MELK: variants seen among roughly 807,000 people sequenced by gnomAD.
MELK encodes maternal embryonic leucine zipper kinase, also known as pEg3 kinase.
A neutral mutation model predicts 85.0 loss-of-function variants in MELK; 81 were observed. The ratio of observed to expected loss-of-function variants is 0.95; its 90% confidence interval spans 0.80 to 1.15. The LOEUF is 1.15. Ranked by LOEUF, MELK falls within the 50% of genes most tolerant of loss-of-function variation. MELK has a pLI of 0.00. For missense variants in MELK, 754 were observed against 777.5 expected, an observed-to-expected ratio of 0.97 and a Z score of 0.36; for synonymous variants, 252 against 265.0, an observed-to-expected ratio of 0.95 and a Z score of 0.48.
At chr9:36,604,957 TA>T (rs1395585681) in intron 7 of MELK, among the ~76,000 whole-genome samples, 1 of 151,504 alleles carries the variant, frequency 6.6e-6, no homozygotes, top group Non-Finnish European at 1.5e-5. Context: ...TTTATTTATT[TA>T]TTTTTTTGAG....
intron 13 of MELK, among the ~76,000 whole-genome samples, chr9:36,664,709 T>C (rs1832164974): frequency 6.6e-6 from 1 of 152,220 alleles, no homozygotes; most frequent in South Asian, 2.1e-4. Flanking sequence ...TTCCTGGCTT[T>C]ACATGGGAGC....
At chr9:36,583,942 CAGTCTGT>C (rs1414084468) in intron 3 of MELK, among the ~76,000 whole-genome samples, 1 of 152,212 alleles carries the variant, frequency 6.6e-6, no homozygotes, top group Non-Finnish European at 1.5e-5. Context: ...CATCCATCTG[CAGTCTGT>C]AGTCTGTAGG....
At chr9:36,628,863 CTTTTTTTT>C (rs869033969) in intron 8 of MELK, among the ~76,000 whole-genome samples, 1 of 127,918 alleles carries the variant, frequency 7.8e-6, no homozygotes, top group Non-Finnish European at 1.6e-5. Flanking sequence ...TTTGTATTTT[CTTTTTTTT>C]TTTTTTTTTT....
chr9:36,591,105 CA>C (rs924643580), intron 4 of MELK, among the ~76,000 whole-genome samples: 1 of 151,158 alleles, frequency 6.6e-6, no homozygotes, highest in African/African-American at 2.4e-5. Context: ...AAAATAAAAA[CA>C]AAAAAATTAT....
intron 14 of MELK, among the ~76,000 whole-genome samples, chr9:36,666,712 A>G (rs948925642): frequency 3.9e-5 from 6 of 152,152 alleles, no homozygotes; most frequent in Non-Finnish European, 7.4e-5. Context: ...CTTCTTGTCT[A>G]TAAAGATATT....
In MELK at chr9:36,621,431, T is replaced by C. The variant is rs148951747; in HGVS notation, c.667-8868T>C. 3.4e-3 allele frequency among the ~76,000 whole-genome samples: 504 copies of C among 146,724 alleles called. 2 individuals carry two copies. The highest frequency in any genetic ancestry group is 0.013 in the African/African-American group (477 of 37,724). On this transcript the variant is annotated intron_variant, in intron 8 of 17. Transcript: ENST00000298048. ...AGACTTACCCACAAAGATAAGTAAC[T>C]GTTATTTTACTTACCTACCACACCC...
intron 8 of MELK, among the ~76,000 whole-genome samples, chr9:36,620,757 G>T (rs1330307533): frequency 6.6e-6 from 1 of 151,316 alleles, no homozygotes; most frequent in East Asian, 2.0e-4. Context: ...CACCATATTG[G>T]CCAGGCTGGT....
intron 8 of MELK, among the ~76,000 whole-genome samples, chr9:36,626,440 T>C (rs112288387): frequency 0.03 from 4,568 of 152,288 alleles, 88 homozygotes; most frequent in South Asian, 0.058. Context: ...TCTTCGGGAC[T>C]CAGACCTTAG....
intron 11 of MELK, among the ~76,000 whole-genome samples, 168 bp downstream of exon 11, chr9:36,643,251 C>T (rs1298183261): frequency 6.6e-6 from 1 of 152,130 alleles, no homozygotes; most frequent in African/African-American, 2.4e-5. Flanking sequence ...GGTGTGGTGG[C>T]ACGTGCCTGT....
Position 36,616,823 on chromosome 9 carries a change from GTTTTTTT to G in MELK, c.666+9164_666+9170del, listed in dbSNP as rs11325318. On this transcript the variant is annotated intron_variant, in intron 8 of 17. Coordinates refer to ENST00000298048, the MANE Select transcript of MELK (RefSeq NM_014791.4). ...TTCTCTTTCTGCTACCCCCTTCCCA[GTTTTTTT>G]TTTTTTTTTTTTTACACAGATGGTA... Among the ~76,000 whole-genome samples the G allele has an allele frequency of 6.6e-3, 814 of 124,030 alleles. 5 individuals carry two copies. The highest frequency in any genetic ancestry group is 0.024 in the African/African-American group (786 of 32,836). 81.4% of individuals were successfully genotyped at this position (124,030 alleles called of 152,430 possible).
chr9:36,595,909 A>G (rs1824171404), intron 5 of MELK, among the ~76,000 whole-genome samples: 1 of 151,924 alleles, frequency 6.6e-6, no homozygotes, highest in African/African-American at 2.4e-5. Flanking sequence ...TCTGCCTCTC[A>G]GGTTAAGGTG....
chr9:36,591,782 A>G (rs1823615024), intron 4 of MELK, among the ~76,000 whole-genome samples: 2 of 151,860 alleles, frequency 1.3e-5, no homozygotes, highest in Admixed American at 6.6e-5. Flanking sequence ...ATAAAAAAAG[A>G]AAAAAAGGCT....
At chr9:36,580,080 C>T (rs1255354295) in intron 1 of MELK, among the ~76,000 whole-genome samples, 1 of 142,740 alleles carries the variant, frequency 7.0e-6, no homozygotes, top group East Asian at 2.0e-4. Context: ...CAGAATCTCG[C>T]TCCGTTGCCC....
intron 4 of MELK, among the ~76,000 whole-genome samples, chr9:36,592,979 A>T (rs1262059525): frequency 6.6e-6 from 1 of 152,210 alleles, no homozygotes; most frequent in Admixed American, 6.6e-5. Flanking sequence ...GCAACTGCTC[A>T]TCTGATTTCT....
At chr9:36,579,470 A>G (rs998619053) in intron 1 of MELK, among the ~76,000 whole-genome samples, 17 of 152,364 alleles carry the variant, frequency 1.1e-4, no homozygotes, top group Middle Eastern at 6.8e-3. Flanking sequence ...CCTATAAATT[A>G]TAAGTATTAA....
intron 11 of MELK, among the ~76,000 whole-genome samples, chr9:36,644,209 T>TTTTGTGTG (rs1830021943): frequency 6.9e-6 from 1 of 145,304 alleles, no homozygotes; most frequent in African/African-American, 2.6e-5. Flanking sequence ...TACCTGTGTT[T>TTTTGTGTG]TGTGTGTGTG....
At chr9:36,613,210 C>T (rs1013280411) in intron 8 of MELK, among the ~76,000 whole-genome samples, 2 of 152,228 alleles carry the variant, frequency 1.3e-5, no homozygotes, top group Admixed American at 6.5e-5. Flanking sequence ...GGTTTTCTCC[C>T]GGAGAGATGC....
rs771163059 is a variant in MELK at position 36,657,207 on chromosome 9, T to C, written c.1054-34T>C. 3.1e-6 allele frequency: 5 copies of C among 1,592,190 alleles called. No homozygotes were observed. The African/African-American group carries it at 6.8e-5, about 22-fold the overall frequency. On this transcript the variant is annotated intron_variant, in intron 12 of 17. Coordinates refer to ENST00000298048, the MANE Select transcript of MELK (RefSeq NM_014791.4). ...TTTTAAATATTGAATCATAGTACTG[T>C]CATCTTTAAGTTCTTCTGTCTTTCA... is the stretch of plus-strand genomic sequence containing the variant.
At chr9:36,638,691 T>C (rs758650306) in intron 10 of MELK, among the ~76,000 whole-genome samples, 1 of 152,162 alleles carries the variant, frequency 6.6e-6, no homozygotes, top group African/African-American at 2.4e-5. Context: ...TGGTAAAATA[T>C]AGGTAGAACT....
Sources: allele counts gnomAD v4.1 joint callset (sites outside exome capture counted in the v4.1 genomes callset), GRCh38; gene constraint gnomAD v4.1.1; transcripts MANE v1.5; gene names NCBI Gene and HGNC (gene_info 2026-07-23, HGNC 2026-07-21).